The following ZFP37 variants were observed in gnomAD, a reference collection of about 807,000 sequenced individuals.
ZFP37 encodes the protein zinc finger protein 37 homolog.
Under a neutral mutation model 52.1 loss-of-function variants are expected in ZFP37, and 38 were observed. That is an observed-to-expected ratio of 0.73 (90% confidence interval 0.56 to 0.96). The LOEUF (loss-of-function observed/expected upper bound fraction) is 0.96. ZFP37 is among the 40% of genes least tolerant of loss of function. ZFP37 has a pLI of 0.00. For missense variants in ZFP37, 695 were observed against 741.4 expected (o/e 0.94, Z 0.73); for synonymous variants, 253 against 259.5 (o/e 0.98, Z 0.24).
intron 2 of ZFP37, 146 bp downstream of exon 2, chr9:113,049,645 G>A: frequency 7.0e-7 from 1 of 1,421,782 alleles, no homozygotes; most frequent in South Asian, 1.5e-5. Context: ...CTTCCATTTT[G>A]GAGGCAGGGG....
In ZFP37 at chr9:113,043,604, TACA is replaced by T. The variant is rs1158971942; in HGVS notation, c.1011_1013del (p.Val338del). ...TTTCTCCGGTGTGAGTTCTCTGATG[TACA>T]ACAAGGTGTGACTTTTGGCTAAAGG... On this transcript the variant is annotated inframe_deletion, in exon 4 of 4. Coordinates refer to ENST00000374227, the MANE Select transcript of ZFP37 (RefSeq NM_003408.3). 3 of 1,613,950 alleles carry T rather than the reference TACA, an allele frequency of 1.9e-6. No individual in the cohort carries two copies. The Admixed American group carries it at 5.0e-5, about 27-fold the overall frequency.
intron 1 of ZFP37, among the ~76,000 whole-genome samples, chr9:113,055,067 G>C (rs547798226): frequency 1.3e-5 from 2 of 152,308 alleles, no homozygotes; most frequent in African/African-American, 4.8e-5. Context: ...CTACCACTAT[G>C]ATTCACAGCT....
At position 113,043,866 on chromosome 9, in the gene ZFP37, T is replaced by C; in HGVS notation, c.752A>G (p.Lys251Arg). The C allele has an allele frequency of 6.2e-7, 1 of 1,614,082 alleles. No individual in the cohort carries two copies. The highest frequency in any genetic ancestry group is 2.2e-5 in the East Asian group (1 of 44,866). ...ATGGGATGAACTATGACAGCATAAT[T>C]TGTCATGTTTTTTGCCAGTTTTGTT... is the stretch of plus-strand genomic sequence containing the variant. The part of the protein sequence containing the change: ...KCNKTGKKHD[K>R]LCCHSSSHIK... The change falls in exon 4 of 4, where the codon AAA (lysine) becomes AGA (arginine). Residue 251 changes from lysine to arginine, a missense_variant. Lys to Arg is a conservative substitution (Grantham distance 26). Around this residue, in one of 2 missense-constraint regions of ZFP37, gnomAD observed 369 missense variants for 340.9 expected, o/e 1.08. Coordinates refer to ENST00000374227, the MANE Select transcript of ZFP37 (RefSeq NM_003408.3).
chr9:113,046,238 ATATAGACAGATAAATATC>A, intron 3 of ZFP37, among the ~76,000 whole-genome samples: 1 of 136,146 alleles, frequency 7.3e-6, no homozygotes, highest in African/African-American at 2.7e-5. Flanking sequence ...ATCTATATAT[ATATAGACAGATAAATATC>A]TATATATATA....
intron 3 of ZFP37, 65 bp downstream of exon 3, chr9:113,049,297 C>T (rs748266472): frequency 1.3e-6 from 2 of 1,569,896 alleles, no homozygotes; most frequent in East Asian, 2.2e-5. Context: ...AAAGAAAGGT[C>T]TAGGATCTTT....
Position 113,039,687 on chromosome 9 carries a change from GCTTT to G in ZFP37, c.*3034_*3037del, listed in dbSNP as rs1358291176. The G allele has an allele frequency of 6.6e-6, 1 of 152,042 alleles. No homozygotes were observed. The highest frequency in any genetic ancestry group is 1.5e-5 in the Non-Finnish European group (1 of 68,006). 9.4% of individuals were successfully genotyped at this position (152,042 alleles called of 1,614,324 possible). ...GAACAGGGTTTTGTTTTGTTTGTTT[GCTTT>G]CTTTTTGTTTTGTAGACTGCTGTAT... On this transcript the variant is annotated 3_prime_UTR_variant, in exon 4 of 4. Coordinates refer to ENST00000374227, the MANE Select transcript of ZFP37 (RefSeq NM_003408.3).
chr9:113,041,191 C>G lies in ZFP37; in HGVS notation c.*1534G>C, dbSNP rs989334015. ...CAAGTGATCCACCCACCTTGGCCTC[C>G]CACAGTGCTGGAGATTACAGGCACC... On this transcript the variant is annotated 3_prime_UTR_variant, in exon 4 of 4. Transcript: ENST00000374227. 7 of 152,114 alleles carry G rather than the reference C, an allele frequency of 4.6e-5. No individual in the cohort carries two copies. The highest frequency in any genetic ancestry group is 1.0e-4 in the Non-Finnish European group (7 of 68,038). The allele number at this position is 152,114 out of a possible 1,614,324, so 9.4% of individuals were successfully genotyped here.
Position 113,038,450 on chromosome 9 carries a change from G to A in ZFP37, c.*4275C>T, listed in dbSNP as rs996725812. On this transcript the variant is annotated 3_prime_UTR_variant, in exon 4 of 4. Transcript: ENST00000374227. The stretch of plus-strand genomic sequence containing the variant: ...GTTTGTACAACATCCATTTTTCAAT[G>A]CCCATGTCTCTTTATTTCCTTTACT... The A allele has an allele frequency of 4.6e-5, 7 of 151,830 alleles. No homozygotes were observed. The highest frequency in any genetic ancestry group is 1.7e-4 in the African/African-American group (7 of 41,300). 9.4% of individuals were successfully genotyped at this position (151,830 alleles called of 1,614,324 possible). A position where few individuals can be genotyped will look rare whatever the true frequency, so the allele number is the denominator to read the frequency against.
At position 113,052,274 on chromosome 9, in the gene ZFP37, C is replaced by T. The variant is rs113861318; in HGVS notation, c.133-2402G>A. On this transcript the variant is annotated intron_variant, in intron 1 of 3. Coordinates refer to ENST00000374227, the MANE Select transcript of ZFP37 (RefSeq NM_003408.3). This position sits in a 1 kb window ranked among gnomAD's most constrained non-coding sequence, Gnocchi z 4.1. ...AGTGGAGGCTGTCTTTCCTGCACCA[C>T]CCCTCTCCCTGCCATGACCCATGTA... Among the ~76,000 whole-genome samples, 1 of 152,254 alleles carries T rather than the reference C, an allele frequency of 6.6e-6. No homozygotes were observed. The highest frequency in any genetic ancestry group is 1.5e-5 in the Non-Finnish European group (1 of 68,020).
rs1013589880 is a variant in ZFP37 at position 113,039,975 on chromosome 9, T to C, written c.*2750A>G. 6.6e-6 allele frequency: 1 copy of C among 152,212 alleles called. No individual in the cohort carries two copies. Among genetic ancestry groups the C allele is most frequent in the Non-Finnish European group, 1.5e-5 (1 of 68,036 alleles). The allele number at this position is 152,212 out of a possible 1,614,324, so 9.4% of individuals were successfully genotyped here. A position where few individuals can be genotyped will look rare whatever the true frequency, so the allele number is the denominator to read the frequency against. On this transcript the variant is annotated 3_prime_UTR_variant, in exon 4 of 4. Transcript: ENST00000374227. ...CACCCACAGGGTTTCTGATCCAATA[T>C]GTCTGTGACGAGGCCCAAGAATTTG...
chr9:113,044,241 T>G lies in ZFP37; in HGVS notation c.377A>C (p.Glu126Ala). 1 of 1,570,172 alleles carries G rather than the reference T, an allele frequency of 6.4e-7. No homozygotes were observed. Among genetic ancestry groups the G allele is most frequent in the Non-Finnish European group, 8.6e-7 (1 of 1,165,780 alleles). The change falls in exon 4 of 4, where the codon GAA (glutamate) becomes GCA (alanine). Residue 126 changes from glutamate (E) to alanine (A), a missense_variant. Glu to Ala is a moderately radical substitution (Grantham distance 107, BLOSUM62 -1). This residue lies in a region of ZFP37 where 369 missense variants were observed against 340.9 expected (regional missense o/e 1.08). Coordinates refer to ENST00000374227, the MANE Select transcript of ZFP37 (RefSeq NM_003408.3). ...TTTGTTTTGAGATTTCTGGATATTT[T>G]CAAGCTGGTCATCATCTTTCTGGAC... The part of the protein sequence containing the change: ...GKVQKDDDQL[E>A]NIQKSQNKLL...
At chr9:113,055,710 A>G (rs1163906522) in intron 1 of ZFP37, among the ~76,000 whole-genome samples, 1 of 152,142 alleles carries the variant, frequency 6.6e-6, no homozygotes, top group African/African-American at 2.4e-5. Context: ...TCCACAGAAC[A>G]ATCATTAACC....
intron 1 of ZFP37, among the ~76,000 whole-genome samples, chr9:113,053,098 A>G (rs977637472): frequency 2.0e-5 from 3 of 152,112 alleles, no homozygotes; most frequent in Non-Finnish European, 4.4e-5. Flanking sequence ...AATTATCTGC[A>G]CTTACACCTT....
At chr9:113,044,988 C>A (rs964494619) in intron 3 of ZFP37, among the ~76,000 whole-genome samples, 1 of 151,892 alleles carries the variant, frequency 6.6e-6, no homozygotes, top group Non-Finnish European at 1.5e-5. Flanking sequence ...TATTTCTAGT[C>A]CCTGGTGAGG....
At chr9:113,050,194 G>C (rs1463269222) in intron 1 of ZFP37, among the ~76,000 whole-genome samples, 1 of 152,088 alleles carries the variant, frequency 6.6e-6, no homozygotes, top group Non-Finnish European at 1.5e-5. Context: ...AGACCAGCCT[G>C]GGCAACATGG....
chr9:113,043,980 T>C lies in ZFP37; in HGVS notation c.638A>G (p.Asn213Ser), dbSNP rs1448850327. Residue 213 changes from asparagine to serine, a missense_variant, in exon 4 of 4, where the codon AAC becomes AGC. Asn to Ser is a conservative substitution (Grantham distance 46, BLOSUM62 1). Around this residue, in one of 2 missense-constraint regions of ZFP37, gnomAD observed 369 missense variants for 340.9 expected, o/e 1.08. Transcript: ENST00000374227. ...DAAKEHKKSFNHSLSDTRKGK... is the reference protein window; with the variant it reads ...DAAKEHKKSFSHSLSDTRKGK... ...TTTCCTTGTATCAGATAAGCTATGG[T>C]TGAATGACTTCTTGTGTTCTTTAGC... The C allele has an allele frequency of 1.9e-6, 3 of 1,613,970 alleles. No individual in the cohort carries two copies. Among genetic ancestry groups the C allele is most frequent in the African/African-American group, 2.7e-5 (2 of 74,940 alleles).
rs1033277282 is a variant in ZFP37 at position 113,038,421 on chromosome 9, G to A, written c.*4304C>T. 1.3e-5 allele frequency: 2 copies of A among 151,904 alleles called. No homozygotes were observed. Among genetic ancestry groups the A allele is most frequent in the African/African-American group, 4.8e-5 (2 of 41,368 alleles). The allele number at this position is 151,904 out of a possible 1,614,324, so 9.4% of individuals were successfully genotyped here. Reference sequence around the variant, plus strand: ...TTATTTAGTATTTTAGATGCTACAGGTTGGTTTGTACAACATCCATTTTTC... The same window carrying A: ...TTATTTAGTATTTTAGATGCTACAGATTGGTTTGTACAACATCCATTTTTC... On this transcript the variant is annotated 3_prime_UTR_variant, in exon 4 of 4. Coordinates refer to ENST00000374227, the MANE Select transcript of ZFP37 (RefSeq NM_003408.3).
chr9:113,046,140 G>GTCTATATATATAGACAGATATATA (rs1828945913), intron 3 of ZFP37, among the ~76,000 whole-genome samples: 1 of 149,576 alleles, frequency 6.7e-6, no homozygotes, highest in Non-Finnish European at 1.5e-5. Context: ...ATATATATCT[G>GTCTATATATATAGACAGATATATA]TCTATATATA....
At position 113,041,527 on chromosome 9, in the gene ZFP37, A is replaced by T. The variant is rs1281151719; in HGVS notation, c.*1198T>A. On this transcript the variant is annotated 3_prime_UTR_variant, in exon 4 of 4. Transcript: ENST00000374227. Reference sequence around the variant, plus strand: ...AAACAGGGTGATTATTCATAAAATCACTTTCATTCACCTGCAATCACAATT... The same window carrying T: ...AAACAGGGTGATTATTCATAAAATCTCTTTCATTCACCTGCAATCACAATT... 2.0e-5 allele frequency: 3 copies of T among 152,184 alleles called. No homozygotes were observed. Among genetic ancestry groups the T allele is most frequent in the Admixed American group, 6.5e-5 (1 of 15,270 alleles). The allele number at this position is 152,184 out of a possible 1,614,324, so 9.4% of individuals were successfully genotyped here.
Sources: allele counts gnomAD v4.1 joint callset (sites outside exome capture counted in the v4.1 genomes callset), GRCh38; gene constraint gnomAD v4.1.1; regional missense constraint gnomAD v4.1.1; non-coding constraint Gnocchi (gnomAD v3.1); transcripts MANE v1.5; gene names NCBI Gene and HGNC (gene_info 2026-07-23, HGNC 2026-07-21).